The following POC1B variants were observed in gnomAD, a reference collection of about 807,000 sequenced individuals.
POC1B encodes the protein POC1 centriolar protein homolog B.
In POC1B, 44 loss-of-function variants were observed where a neutral mutation model predicts 60.6. That is an observed-to-expected ratio of 0.73 (90% CI 0.57 to 0.93). The LOEUF is 0.93. Among genes scored for constraint, POC1B ranks in the 40% least tolerant of loss-of-function variants. The pLI, the probability that POC1B is intolerant of heterozygous loss-of-function variation, is 0.00. For synonymous variants in POC1B, 180 were observed against 198.9 expected, an observed-to-expected ratio of 0.90 and a Z score of 0.80; for missense variants, 555 against 572.3, an observed-to-expected ratio of 0.97 and a Z score of 0.31.
chr12:89,438,291 A>C (rs1241443884), intron 10 of POC1B, among the ~76,000 whole-genome samples: 1 of 152,066 alleles, frequency 6.6e-6, no homozygotes, highest in African/African-American at 2.4e-5. Flanking sequence ...CCCCGTCTCT[A>C]CTAAAAATAC....
At chr12:89,410,798 G>A in the POC1B span, among the ~76,000 whole-genome samples, 1 of 152,154 alleles carries the variant, frequency 6.6e-6, no homozygotes, top group South Asian at 2.1e-4. Context: ...AGGAAATAAA[G>A]CTATTCAAAT....
At chr12:89,424,501 A>AAT (rs1880669506) in intron 11 of POC1B, among the ~76,000 whole-genome samples, 1 of 152,184 alleles carries the variant, frequency 6.6e-6, no homozygotes, top group African/African-American at 2.4e-5. Flanking sequence ...CACTCTGACA[A>AAT]ATATTAGTAT....
chr12:89,525,681 G>C (rs1871410550), intron 1 of POC1B, 200 bp downstream of exon 1: 3 of 1,245,890 alleles, frequency 2.4e-6, no homozygotes, highest in East Asian at 6.0e-5. Flanking sequence ...GAGCGTCCGG[G>C]AGCCGGGTCT....
At position 89,525,896 on chromosome 12, in the gene POC1B, C is replaced by T. The variant is rs1871445178; in HGVS notation, c.-1G>A. 1.4e-6 allele frequency: 2 copies of T among 1,475,566 alleles called. No individual in the cohort carries two copies. The highest frequency in any genetic ancestry group is 1.4e-5 in the South Asian group (1 of 72,802). 91.4% of individuals were successfully genotyped at this position (1,475,566 alleles called of 1,614,324 possible). ...CCGTCCTTACCGTGGCTGAGGCCAT[C>T]GGGGGAGTGGTCGGCCCAAGGCTCC... On this transcript the variant is annotated 5_prime_UTR_variant, in exon 1 of 12. Transcript: ENST00000313546.
In POC1B at chr12:89,524,444, C is replaced by A. The variant is rs747670027; in HGVS notation, c.100+676G>T. 43 of 1,613,754 alleles carry A rather than the reference C, an allele frequency of 2.7e-5. No homozygotes were observed. Among genetic ancestry groups the A allele is most frequent in the Non-Finnish European group, 3.5e-5 (41 of 1,179,892 alleles). Reference sequence around the variant, plus strand: ...AGCTCCCTGGCACGGCCGGCTCCTGCGGAGGCATGAAAAGTAGAGACCAAG... The same window carrying A: ...AGCTCCCTGGCACGGCCGGCTCCTGAGGAGGCATGAAAAGTAGAGACCAAG... On this transcript the variant is annotated intron_variant, in intron 2 of 11. Coordinates refer to ENST00000313546, the MANE Select transcript of POC1B (RefSeq NM_172240.3).
chr12:89,403,347 C>T, the POC1B span, among the ~76,000 whole-genome samples: 1 of 152,102 alleles, frequency 6.6e-6, no homozygotes, highest in East Asian at 1.9e-4. Flanking sequence ...TTCAATGCCT[C>T]AATTTGAAAC....
intron 4 of POC1B, among the ~76,000 whole-genome samples, chr12:89,479,065 G>A (rs1883223001): frequency 6.6e-6 from 1 of 152,126 alleles, no homozygotes; most frequent in Non-Finnish European, 1.5e-5. Context: ...TTCATCATAT[G>A]TTTAAAAGTT....
downstream of POC1B, among the ~76,000 whole-genome samples, chr12:89,417,011 T>A (rs1880376090): frequency 6.6e-6 from 1 of 152,362 alleles, no homozygotes; most frequent in South Asian, 2.1e-4. Flanking sequence ...TAGTAGTTTT[T>A]AAGTATATTC....
chr12:89,508,705 G>A (rs1269579872), intron 2 of POC1B, among the ~76,000 whole-genome samples: 1 of 152,182 alleles, frequency 6.6e-6, no homozygotes, highest in East Asian at 1.9e-4. Flanking sequence ...TGTGTTGGGG[G>A]AGGGACCTTG....
intron 2 of POC1B, chr12:89,523,652 T>C: frequency 3.9e-6 from 6 of 1,537,916 alleles, no homozygotes; most frequent in Non-Finnish European, 5.2e-6. Flanking sequence ...GGGTCAATTC[T>C]TGATATCCGC....
intron 10 of POC1B, among the ~76,000 whole-genome samples, chr12:89,442,439 G>A (rs565162448): frequency 3.3e-5 from 5 of 152,298 alleles, no homozygotes; most frequent in Admixed American, 2.0e-4. Context: ...GAAGGGAGTG[G>A]GGGCCAATAT....
At chr12:89,471,486 A>G (rs1882891103) in intron 6 of POC1B, 128 bp downstream of exon 6, 3 of 651,948 alleles carry the variant, frequency 4.6e-6, no homozygotes, top group Admixed American at 6.7e-5. Flanking sequence ...TAATTATACT[A>G]TTCTCTAGCC....
chr12:89,500,674 T>C lies in POC1B; in HGVS notation c.101-3332A>G, dbSNP rs187849001. The C allele has an allele frequency of 1.9e-6, 3 of 1,541,756 alleles. No homozygotes were observed. The South Asian group carries it at 3.4e-5, about 18-fold the overall frequency. ...TTGAAAATTCAGTAAATATGCTGCC[T>C]TCAAGTACAGAGGTTTCACTTAAAA... On this transcript the variant is annotated intron_variant, in intron 2 of 11. Transcript: ENST00000313546.
intron 10 of POC1B, among the ~76,000 whole-genome samples, chr12:89,445,006 A>G (rs1344841942): frequency 6.6e-6 from 1 of 152,156 alleles, no homozygotes; most frequent in African/African-American, 2.4e-5. Context: ...CCCATTCACA[A>G]TTGCTTCAAA....
At chr12:89,516,219 C>T (rs547707773) in intron 2 of POC1B, among the ~76,000 whole-genome samples, 1 of 152,312 alleles carries the variant, frequency 6.6e-6, no homozygotes, top group South Asian at 2.1e-4. Context: ...GGCTTTCCCT[C>T]CTATCTTTCT....
At chr12:89,503,840 C>T (rs12312792) in intron 2 of POC1B, among the ~76,000 whole-genome samples, 16 of 50,742 alleles carry the variant, frequency 3.2e-4, no homozygotes, top group African/African-American at 1.0e-3. Context: ...CCCCTCCGCC[C>T]GGCAGCCGCC....
intron 4 of POC1B, among the ~76,000 whole-genome samples, chr12:89,477,847 C>T (rs1200371216): frequency 1.3e-5 from 2 of 152,158 alleles, no homozygotes; most frequent in Non-Finnish European, 2.9e-5. Flanking sequence ...TCTTCATCTT[C>T]ATCACCCTCC....
the POC1B span, among the ~76,000 whole-genome samples, chr12:89,409,394 A>T: frequency 6.6e-6 from 1 of 152,178 alleles, no homozygotes; most frequent in East Asian, 1.9e-4. Context: ...TTTCCCCATT[A>T]CTTGTTTTTG....
intron 4 of POC1B, chr12:89,472,657 A>G (rs1334493965): frequency 1.9e-5 from 3 of 160,612 alleles, no homozygotes; most frequent in Non-Finnish European, 4.1e-5. Flanking sequence ...CATATGATTC[A>G]AGAGAGAGCC....
Sources: gnomAD v4.1 joint callset for allele counts (sites outside exome capture counted in the v4.1 genomes callset) on GRCh38, gnomAD v4.1.1 for gene constraint, MANE v1.5 for transcripts, NCBI Gene and HGNC (gene_info 2026-07-23, HGNC 2026-07-21) for gene names.